Variants in CEP131 observed in about 807,000 individuals in gnomAD.
CEP131 encodes centrosomal protein of 131 kDa.
A neutral mutation model predicts 136.8 loss-of-function variants in CEP131; 99 were observed. The observed-to-expected ratio is 0.72, with a 90% CI of 0.62 to 0.86. The LOEUF is 0.86. Ranked by LOEUF, CEP131 falls within the 40% of genes least tolerant of loss-of-function variation. The probability of loss-of-function intolerance (pLI) is 0.00; values close to 1 mark genes in which losing one functional copy is unlikely to be tolerated. For missense variants in CEP131, 1,459 were observed against 1,463.0 expected (o/e 1.00, Z 0.04); for synonymous variants, 646 against 612.7 (o/e 1.05, Z -0.80).
chr17:81,209,039 A>G lies in CEP131; in HGVS notation c.178-17T>C, dbSNP rs377458330. 176 of 1,576,432 alleles carry G rather than the reference A, an allele frequency of 1.1e-4. No homozygotes were observed. The highest frequency in any genetic ancestry group is 1.5e-4 in the Non-Finnish European group (171 of 1,148,102). On this transcript the variant is annotated splice_polypyrimidine_tract_variant and intron_variant, in intron 2 of 25. Transcript: ENST00000450824. ...TGTGGCCTCCTGCAAAAAGGGAGAA[A>G]ACAGTTAATTATGCAGCAAAGGCTC...
At chr17:81,194,337 G>A (rs1259411705) in intron 17 of CEP131, among the ~76,000 whole-genome samples, 2 of 152,176 alleles carry the variant, frequency 1.3e-5, no homozygotes, top group Non-Finnish European at 2.9e-5. Context: ...CAGCCTGTGG[G>A]GCTCAGGGCT....
In CEP131 at chr17:81,190,983, C is replaced by G; in HGVS notation, c.2867G>C (p.Gly956Ala). Residue 956 changes from glycine (G) to alanine (A), a missense_variant, in exon 23 of 26, where the codon GGG becomes GCG. By Grantham distance (60) the Gly-to-Ala change is moderately conservative. Coordinates refer to ENST00000450824, the MANE Select transcript of CEP131 (RefSeq NM_014984.4). ...ERCSELKGQLGEAEGENLRLQ... is the reference protein window; with the variant it reads ...ERCSELKGQLAEAEGENLRLQ... Reference sequence around the variant, plus strand: ...ACGCAGATTCTCGCCCTCGGCCTCCCCAAGCTGGCCCTTCAGCTCCGAGCA... The same window carrying G: ...ACGCAGATTCTCGCCCTCGGCCTCCGCAAGCTGGCCCTTCAGCTCCGAGCA... 6.2e-7 allele frequency: 1 copy of G among 1,607,816 alleles called. No homozygotes were observed. Among genetic ancestry groups the G allele is most frequent in the Non-Finnish European group, 8.5e-7 (1 of 1,179,912 alleles).
Position 81,203,374 on chromosome 17 carries a change from G to T in CEP131, c.629+120C>A. On this transcript the variant is annotated intron_variant, in intron 6 of 25. Transcript: ENST00000450824. The surrounding 1 kb of genome is among the most constrained non-coding windows in gnomAD (Gnocchi z 4.6). ...CACACTGACCGCATGCCCTGACCAA[G>T]GTAGAACCCTGTGTGAACTGACCGC... The T allele has an allele frequency of 1.3e-6, 1 of 780,060 alleles. No homozygotes were observed. The highest frequency in any genetic ancestry group is 1.7e-5 in the South Asian group (1 of 59,454). 48.3% of individuals were successfully genotyped at this position (780,060 alleles called of 1,614,324 possible).
chr17:81,200,009 G>C, intron 8 of CEP131, 174 bp from the exon 9 acceptor site: 2 of 687,184 alleles, frequency 2.9e-6, no homozygotes, highest in South Asian at 3.4e-5. Flanking sequence ...CTGCTCTACA[G>C]AGGATGAGCC....
chr17:81,192,769 T>A lies in CEP131; in HGVS notation c.2396A>T (p.Glu799Val). The A allele has an allele frequency of 2.5e-6, 4 of 1,594,564 alleles. No homozygotes were observed. In the South Asian group the frequency reaches 4.4e-5, roughly 18 times the overall value. Residue 799 changes from glutamate (E) to valine (V), a missense_variant, in exon 19 of 26, where the codon GAG becomes GTG. Physicochemically the swap from Glu to Val is moderately radical, Grantham distance 121. Transcript: ENST00000450824. ...CTGCTGGCCCAGCCGCTCCCTCTCC[T>A]CAGCCACCTCACTGTACAGCCGCTG... ...QRQRLYSEVA[E>V]ERERLGQQAA...
At position 81,192,521 on chromosome 17, in the gene CEP131, C is replaced by T. The variant is rs1464470645; in HGVS notation, c.2502G>A (p.Arg834=). 3.1e-6 allele frequency: 5 copies of T among 1,611,144 alleles called. No individual in the cohort carries two copies. The highest frequency in any genetic ancestry group is 3.3e-5 in the Admixed American group (2 of 59,910). ...CCTCCCTGCCCTTCTCAAACTCAGC[C>T]CTCAGGGCTCGGGTCAGTGCAGAGC... ...ESSSALTRAL[R]AEFEKGREEQ... Residue 834 remains arginine, a synonymous_variant, in exon 20 of 26, where the codon AGG becomes AGA. Transcript: ENST00000450824.
chr17:81,220,588 G>A (rs924582179), intron 1 of CEP131, among the ~76,000 whole-genome samples: 8 of 152,092 alleles, frequency 5.3e-5, no homozygotes, highest in Admixed American at 1.3e-4. Context: ...TCTGCCTCCC[G>A]GGTTCAAGCG....
At chr17:81,192,883 G>A (rs893227543) in intron 18 of CEP131, 40 bp from the exon 19 acceptor site, 6 of 1,573,990 alleles carry the variant, frequency 3.8e-6, no homozygotes, top group Non-Finnish European at 5.1e-6. Flanking sequence ...GGCCGGGACG[G>A]GCGGTCCCAG....
In CEP131 at chr17:81,190,897, G is replaced by A. The variant is rs367948576; in HGVS notation, c.2943+10C>T. The A allele has an allele frequency of 2.1e-5, 33 of 1,598,970 alleles. No homozygotes were observed. Among genetic ancestry groups the A allele is most frequent in the African/African-American group, 1.2e-4 (9 of 74,906 alleles). On this transcript the variant is annotated intron_variant, in intron 23 of 25. Transcript: ENST00000450824. ...GGTGCCCACTGCCCACCTGACACCC[G>A]CCCACTCACCGCCTGCGCATCCTCC...
intron 1 of CEP131, 72 bp from the exon 2 acceptor site, chr17:81,220,145 G>T: frequency 7.8e-7 from 1 of 1,273,996 alleles, no homozygotes; most frequent in Non-Finnish European, 1.0e-6. Context: ...ACCATCTCCA[G>T]CCCAGCCTCA....
In CEP131 at chr17:81,190,769, G is replaced by C. The variant is rs199940485; in HGVS notation, c.2977C>G (p.Leu993Val). Residue 993 changes from leucine to valine, a missense_variant, in exon 24 of 26, where the codon CTG (leucine) becomes GTG (valine). Leu to Val is a conservative substitution (Grantham distance 32). Transcript: ENST00000450824. ...AACTCCTGGCGGATCACCTGGGCCA[G>C]GTTGCTGCGCTCGCTAGAAAGCTGC... ...NEQLSSERSN[L>V]AQVIRQEFED... is the part of the protein sequence containing the mutation. The C allele has an allele frequency of 1.9e-6, 3 of 1,611,928 alleles. No homozygotes were observed. Among genetic ancestry groups the C allele is most frequent in the South Asian group, 1.1e-5 (1 of 91,006 alleles).
At chr17:81,209,436 G>T (rs1177429319) in intron 2 of CEP131, among the ~76,000 whole-genome samples, 1 of 152,234 alleles carries the variant, frequency 6.6e-6, no homozygotes, top group Non-Finnish European at 1.5e-5. Context: ...GTGGGGTCAC[G>T]ATGAGGACTA....
At chr17:81,218,876 C>G (rs1232560766) in intron 2 of CEP131, among the ~76,000 whole-genome samples, 1 of 152,236 alleles carries the variant, frequency 6.6e-6, no homozygotes, top group Non-Finnish European at 1.5e-5. Context: ...GCCTCAACTG[C>G]CCTCCAGACC....
At chr17:81,194,747 G>T (rs1485129489) in intron 17 of CEP131, 123 bp downstream of exon 17, 1 of 865,240 alleles carries the variant, frequency 1.2e-6, no homozygotes, top group Non-Finnish European at 2.0e-6. Flanking sequence ...GGGCATGAGT[G>T]TTCACCTCTG....
chr17:81,210,514 G>C (rs2062108811), intron 2 of CEP131, among the ~76,000 whole-genome samples: 1 of 152,090 alleles, frequency 6.6e-6, no homozygotes, highest in Non-Finnish European at 1.5e-5. Flanking sequence ...AGGTTGCAGT[G>C]AGCCGAGATT....
chr17:81,220,204 A>C, intron 1 of CEP131, 131 bp from the exon 2 acceptor site: 1 of 692,180 alleles, frequency 1.4e-6, no homozygotes, highest in South Asian at 4.0e-5. Context: ...GTCACAACCT[A>C]TGCACCCCTC....
rs187428593 is a variant in CEP131, at chr17:81,217,151, G to A, written c.177+2729C>T. 2.6e-5 allele frequency among the ~76,000 whole-genome samples: 4 copies of A among 152,318 alleles called. No homozygotes were observed. The East Asian group carries it at 5.8e-4, about 22-fold the overall frequency. On this transcript the variant is annotated intron_variant, in intron 2 of 25. Coordinates refer to ENST00000450824, the MANE Select transcript of CEP131 (RefSeq NM_014984.4). ...TTTCTTTAAGGGGAAGGGAACCAGAGTGAATAATGATCTAGGGGGCTAGAG... is the reference window on the plus strand; with the variant it reads ...TTTCTTTAAGGGGAAGGGAACCAGAATGAATAATGATCTAGGGGGCTAGAG...
At chr17:81,193,266 A>G (rs1016130274) in intron 18 of CEP131, among the ~76,000 whole-genome samples, 4 of 152,156 alleles carry the variant, frequency 2.6e-5, no homozygotes, top group African/African-American at 9.7e-5. Flanking sequence ...CCGTGACCTG[A>G]GCAAGCTCGC....
Position 81,203,425 on chromosome 17 carries a change from G to C in CEP131, c.629+69C>G, listed in dbSNP as rs2061937796. 2 of 1,306,852 alleles carry C rather than the reference G, an allele frequency of 1.5e-6. No individual in the cohort carries two copies. The highest frequency in any genetic ancestry group is 2.0e-5 in the Admixed American group (1 of 49,974). 81.0% of individuals were successfully genotyped at this position (1,306,852 alleles called of 1,614,324 possible). On this transcript the variant is annotated intron_variant, in intron 6 of 25. Transcript: ENST00000450824. This position sits in a 1 kb window ranked among gnomAD's most constrained non-coding sequence, Gnocchi z 4.6. The stretch of plus-strand genomic sequence containing the variant: ...GTGCCCTGACCGAGGTCGGACCCCA[G>C]GTGCACTGACTACATGCCCTAACTG...
Sources: allele counts gnomAD v4.1 joint callset (sites outside exome capture counted in the v4.1 genomes callset), GRCh38; gene constraint gnomAD v4.1.1; non-coding constraint Gnocchi (gnomAD v3.1); transcripts MANE v1.5; gene names NCBI Gene and HGNC (gene_info 2026-07-23, HGNC 2026-07-21).